Variants in MAGI3 observed in about 807,000 individuals in gnomAD.
The protein encoded by MAGI3 is membrane associated guanylate kinase, WW and PDZ domain containing 3.
A neutral mutation model predicts 121.8 loss-of-function variants in MAGI3; 43 were observed. The ratio of observed to expected loss-of-function variants is 0.35; its 90% CI spans 0.28 to 0.46. MAGI3 has a LOEUF of 0.46. MAGI3 is among the 20% of genes least tolerant of loss of function. MAGI3 has a pLI of 1.00. For synonymous variants in MAGI3, 553 were observed against 639.3 expected (o/e 0.86, Z 2.04); for missense variants, 1,547 against 1,797.3 (o/e 0.86, Z 2.52).
chr1:113,553,112 T>C (rs1416882966), intron 2 of MAGI3, among the ~76,000 whole-genome samples: 1 of 152,178 alleles, frequency 6.6e-6, no homozygotes, highest in Non-Finnish European at 1.5e-5. Flanking sequence ...TTGTCAGATA[T>C]TGAGCTGTAG....
chr1:113,462,720 A>G (rs1655093942), intron 1 of MAGI3, among the ~76,000 whole-genome samples: 1 of 152,214 alleles, frequency 6.6e-6, no homozygotes, highest in South Asian at 2.1e-4. Flanking sequence ...GGTGAAAAAC[A>G]AAAGATGAGG....
At chr1:113,609,900 C>A (rs1158886815) in intron 6 of MAGI3, among the ~76,000 whole-genome samples, 2 of 152,144 alleles carry the variant, frequency 1.3e-5, no homozygotes, top group Non-Finnish European at 2.9e-5. Flanking sequence ...AACAAATTTT[C>A]TCTTGGCCCT....
chr1:113,672,928 C>T (rs1364658045), intron 18 of MAGI3, among the ~76,000 whole-genome samples, 187 bp downstream of exon 18: 1 of 152,200 alleles, frequency 6.6e-6, no homozygotes, highest in Admixed American at 6.5e-5. Flanking sequence ...AGAAAAGTTT[C>T]CCCTACAGCA....
At chr1:113,584,967 C>CTTTTTTTTTTTTTTTTTTTTTTT (rs58296325) in intron 3 of MAGI3, among the ~76,000 whole-genome samples, 1 of 135,724 alleles carries the variant, frequency 7.4e-6, no homozygotes. Flanking sequence ...TAGATATTTC[C>CTTTTTTTTTTTTTTTTTTTTTTT]TTTTTTTTTT....
intron 1 of MAGI3, among the ~76,000 whole-genome samples, chr1:113,459,050 A>G (rs1654905384): frequency 6.6e-6 from 1 of 152,204 alleles, no homozygotes; most frequent in African/African-American, 2.4e-5. Context: ...ACAAACCTGT[A>G]ACATATACAT....
chr1:113,465,244 A>T (rs1655222714), intron 1 of MAGI3, among the ~76,000 whole-genome samples: 1 of 152,088 alleles, frequency 6.6e-6, no homozygotes, highest in South Asian at 2.1e-4. Context: ...CCCCAGCAGC[A>T]TCTACTGAAA....
intron 6 of MAGI3, among the ~76,000 whole-genome samples, chr1:113,604,832 C>T (rs1472949639): frequency 2.6e-5 from 4 of 151,144 alleles, no homozygotes; most frequent in Non-Finnish European, 5.9e-5. Context: ...GGAGGAGGGT[C>T]GGATGGGGGA....
In MAGI3 at chr1:113,390,703, G is replaced by A. The variant is rs1650733745; in HGVS notation, c.-331G>A. 1 of 158,228 alleles carries A rather than the reference G, an allele frequency of 6.3e-6. No individual in the cohort carries two copies. The highest frequency in any genetic ancestry group is 1.4e-5 in the Non-Finnish European group (1 of 71,954). 9.8% of individuals were successfully genotyped at this position (158,228 alleles called of 1,614,324 possible). On this transcript the variant is annotated 5_prime_UTR_variant, in exon 1 of 21. Transcript: ENST00000307546. ...TCCCGCCGCTCGGGCGCTGAGCCCA[G>A]GGACCAGCCGGCGGCAGTGACCCCG... is the stretch of plus-strand genomic sequence containing the variant.
At chr1:113,454,405 CT>C (rs1202962171) in intron 1 of MAGI3, among the ~76,000 whole-genome samples, 1 of 152,152 alleles carries the variant, frequency 6.6e-6, no homozygotes, top group African/African-American at 2.4e-5. Flanking sequence ...CACTTAGTAG[CT>C]GTGTGACCTC....
At chr1:113,650,664 A>G (rs1653109663) in intron 13 of MAGI3, among the ~76,000 whole-genome samples, 2 of 152,318 alleles carry the variant, frequency 1.3e-5, no homozygotes, top group Non-Finnish European at 2.9e-5. Context: ...CATTGAACAG[A>G]CTTTTAATAG....
chr1:113,619,935 A>T, intron 8 of MAGI3, 105 bp downstream of exon 8: 1 of 714,380 alleles, frequency 1.4e-6, no homozygotes, highest in South Asian at 1.8e-5. Flanking sequence ...CTTTGACACT[A>T]AAGAGTGTCT....
chr1:113,665,705 G>C (rs905932033), intron 16 of MAGI3, among the ~76,000 whole-genome samples: 1 of 152,082 alleles, frequency 6.6e-6, no homozygotes, highest in African/African-American at 2.4e-5. Context: ...TCCTTTAATA[G>C]AGTTTTAGAG....
chr1:113,569,642 AC>A (rs1660576532), intron 2 of MAGI3, among the ~76,000 whole-genome samples: 1 of 152,172 alleles, frequency 6.6e-6, no homozygotes, highest in South Asian at 2.1e-4. Flanking sequence ...CATTTGCAAT[AC>A]ATATGTCTGA....
chr1:113,486,460 T>C (rs1432322420), intron 1 of MAGI3, among the ~76,000 whole-genome samples: 1 of 152,212 alleles, frequency 6.6e-6, no homozygotes, highest in East Asian at 1.9e-4. Flanking sequence ...TTTGTTTGTT[T>C]GTTTGTTTTG....
At position 113,590,661 on chromosome 1, in the gene MAGI3, A is replaced by G; in HGVS notation, c.938+3A>G. ...ACAGGGATGATCTACTTCATTGAGT[A>G]AGCAAATGTCTCTATCTCTTCTAAT... On this transcript the variant is annotated splice_donor_region_variant and intron_variant, in intron 5 of 20. Transcript: ENST00000307546. 1 of 1,612,126 alleles carries G rather than the reference A, an allele frequency of 6.2e-7. No homozygotes were observed. Among genetic ancestry groups the G allele is most frequent in the Non-Finnish European group, 8.5e-7 (1 of 1,179,184 alleles).
intron 6 of MAGI3, among the ~76,000 whole-genome samples, chr1:113,602,453 A>G (rs940498191): frequency 6.6e-6 from 1 of 152,210 alleles, no homozygotes; most frequent in African/African-American, 2.4e-5. Flanking sequence ...AACCTGAGAT[A>G]CAGCAAAGCA....
At chr1:113,635,138 G>A (rs1309000687) in intron 9 of MAGI3, among the ~76,000 whole-genome samples, 3 of 152,114 alleles carry the variant, frequency 2.0e-5, no homozygotes, top group African/African-American at 7.2e-5. Flanking sequence ...TGAGACAATG[G>A]GGTTTTCTAG....
At chr1:113,660,766 AT>A (rs33956607) in intron 16 of MAGI3, among the ~76,000 whole-genome samples, 1,869 of 122,942 alleles carry the variant, frequency 0.015, 13 homozygotes, top group Non-Finnish European at 0.019. Context: ...ATAATTTTTA[AT>A]TTTTTTTTTT....
chr1:113,427,775 T>C (rs1653084874), intron 1 of MAGI3, among the ~76,000 whole-genome samples: 1 of 152,220 alleles, frequency 6.6e-6, no homozygotes, highest in Non-Finnish European at 1.5e-5. Flanking sequence ...AAATATTTTA[T>C]TAATTTTAAT....
Sources: allele counts gnomAD v4.1 joint callset (sites outside exome capture counted in the v4.1 genomes callset), GRCh38; gene constraint gnomAD v4.1.1; transcripts MANE v1.5; gene names NCBI Gene and HGNC (gene_info 2026-07-23, HGNC 2026-07-21).